The following KLF12 variants were observed in gnomAD, a reference collection of about 807,000 sequenced individuals.
The protein encoded by KLF12 is KLF transcription factor 12, also known as Krueppel-like factor 12.
KLF12 carries 9 observed loss-of-function variants against 37.8 expected under a neutral mutation model. The observed-to-expected ratio is 0.24, with a 90% CI of 0.14 to 0.42. The LOEUF is 0.42. Among genes scored for constraint, KLF12 ranks in the 10% least tolerant of loss-of-function variants. The pLI is 1.00. For missense variants in KLF12, 411 were observed against 516.0 expected, an observed-to-expected ratio of 0.80 and a Z score of 1.97; for synonymous variants, 208 against 202.1, an observed-to-expected ratio of 1.03 and a Z score of -0.25.
intron 2 of KLF12, chr13:73,960,291 C>A: frequency 4.2e-6 from 1 of 237,846 alleles, no homozygotes; most frequent in Non-Finnish European, 9.2e-6. Flanking sequence ...AAAAATAATG[C>A]ATATGAGACA....
At chr13:73,914,607 C>T (rs912450607) in intron 3 of KLF12, among the ~76,000 whole-genome samples, 18 of 152,140 alleles carry the variant, frequency 1.2e-4, no homozygotes, top group African/African-American at 3.1e-4. Context: ...GGTTGGAGAA[C>T]GCCTCTGTGA....
At chr13:74,276,988 G>A in the KLF12 span, among the ~76,000 whole-genome samples, 3 of 152,136 alleles carry the variant, frequency 2.0e-5, no homozygotes, top group Admixed American at 6.6e-5. Flanking sequence ...CAATGCCCAC[G>A]GCAGTGCCCT....
At chr13:74,280,327 G>A in the KLF12 span, among the ~76,000 whole-genome samples, 62 of 152,190 alleles carry the variant, frequency 4.1e-4, no homozygotes, top group South Asian at 1.2e-3. Flanking sequence ...GACCAGTTTT[G>A]TCCTTGCTAC....
the KLF12 span, among the ~76,000 whole-genome samples, chr13:74,295,092 C>A: frequency 6.6e-6 from 1 of 152,176 alleles, no homozygotes; most frequent in Non-Finnish European, 1.5e-5. Flanking sequence ...GAGAGGCACA[C>A]TTTCCTTATC....
At chr13:74,165,594 C>T in the KLF12 span, among the ~76,000 whole-genome samples, 9 of 152,122 alleles carry the variant, frequency 5.9e-5, no homozygotes, top group African/African-American at 1.2e-4. Context: ...CCACCACTTC[C>T]GGGCTCATAT....
At chr13:74,005,112 C>T (rs978363159) in intron 1 of KLF12, among the ~76,000 whole-genome samples, 7 of 152,142 alleles carry the variant, frequency 4.6e-5, no homozygotes, top group Admixed American at 2.6e-4. Context: ...GTAATTTATG[C>T]ATAGTTTTGG....
intron 3 of KLF12, among the ~76,000 whole-genome samples, chr13:73,903,445 C>G (rs1888126363): frequency 6.6e-6 from 1 of 152,070 alleles, no homozygotes; most frequent in Non-Finnish European, 1.5e-5. Context: ...AAGACAAAAA[C>G]CTGGCTATCT....
chr13:73,902,564 C>T (rs1888088998), intron 3 of KLF12, among the ~76,000 whole-genome samples: 3 of 152,166 alleles, frequency 2.0e-5, no homozygotes, highest in Non-Finnish European at 2.9e-5. Flanking sequence ...TCCAGAACTG[C>T]ATTACGGCAT....
At chr13:74,206,918 C>A in the KLF12 span, among the ~76,000 whole-genome samples, 1 of 152,180 alleles carries the variant, frequency 6.6e-6, no homozygotes, top group South Asian at 2.1e-4. Context: ...TTCTGCTTTA[C>A]AAACCTTGTC....
chr13:74,154,912 T>C, the KLF12 span, among the ~76,000 whole-genome samples: 5 of 152,218 alleles, frequency 3.3e-5, no homozygotes, highest in Non-Finnish European at 5.9e-5. Context: ...TTCAAATATA[T>C]TGCCAGCCAC....
chr13:73,758,218 C>A (rs1879309449), intron 6 of KLF12, among the ~76,000 whole-genome samples: 1 of 152,044 alleles, frequency 6.6e-6, no homozygotes, highest in Admixed American at 6.6e-5. Flanking sequence ...AGTTCTACAT[C>A]TGGACAACTT....
Position 73,931,814 on chromosome 13 carries a change from C to CT in KLF12, c.123+12166dup, listed in dbSNP as rs34804436. ...AAAATGCTTCACCTCAAATATTTTG[C>CT]TTTTTTTTTTTTTACCATTTACAAT... On this transcript the variant is annotated intron_variant, in intron 3 of 7. Transcript: ENST00000377669. 5.8e-3 allele frequency among the ~76,000 whole-genome samples: 841 copies of CT among 145,906 alleles called. 6 individuals are homozygous for CT. Among genetic ancestry groups the CT allele is most frequent in the East Asian group, 0.018 (92 of 5,042 alleles).
At chr13:74,163,351 GGATA>G in the KLF12 span, among the ~76,000 whole-genome samples, 1 of 152,200 alleles carries the variant, frequency 6.6e-6, no homozygotes, top group East Asian at 1.9e-4. Context: ...ACAGATGAAT[GGATA>G]AAGAAAATGT....
rs9530230 is a variant in KLF12, at chr13:73,693,484, C to T, written c.*2006G>A. On this transcript the variant is annotated 3_prime_UTR_variant, in exon 8 of 8. Coordinates refer to ENST00000377669, the MANE Select transcript of KLF12 (RefSeq NM_007249.5). ...CATATTTGTGAAGCCATAATTTGAC[C>T]TGAAAATCATTACACTGTTGCTTAA... is the stretch of plus-strand genomic sequence containing the variant. 6.6e-6 allele frequency: 1 copy of T among 152,258 alleles called. No individual in the cohort carries two copies. The highest frequency in any genetic ancestry group is 6.5e-5 in the Admixed American group (1 of 15,290). The allele number at this position is 152,258 out of a possible 1,614,324, so 9.4% of individuals were successfully genotyped here. A position where few individuals can be genotyped will look rare whatever the true frequency, so the allele number is the denominator to read the frequency against.
chr13:74,068,329 A>T (rs368485450), intron 1 of KLF12, among the ~76,000 whole-genome samples: 3 of 152,238 alleles, frequency 2.0e-5, no homozygotes, highest in South Asian at 2.1e-4. Context: ...TAAGGAAGCT[A>T]TCCTAATTGT....
chr13:73,941,395 G>A lies in KLF12; in HGVS notation c.123+2586C>T, dbSNP rs142661324. 2.3e-3 allele frequency among the ~76,000 whole-genome samples: 356 copies of A among 152,204 alleles called. 3 individuals are homozygous for A. Among genetic ancestry groups the A allele is most frequent in the South Asian group, 3.5e-3 (17 of 4,824 alleles). On this transcript the variant is annotated intron_variant, in intron 3 of 7. Transcript: ENST00000377669. Reference sequence around the variant, plus strand: ...AACATAGCAAGCAAAACTCTATGTCGTAAAAAATAGATAAATAAATGCCCA... The same window carrying A: ...AACATAGCAAGCAAAACTCTATGTCATAAAAAATAGATAAATAAATGCCCA...
intron 4 of KLF12, among the ~76,000 whole-genome samples, chr13:73,830,753 C>T (rs1466399952): frequency 6.6e-6 from 1 of 152,102 alleles, no homozygotes; most frequent in Non-Finnish European, 1.5e-5. Context: ...GTCTTTCTAA[C>T]CAATTCCCTG....
At chr13:73,721,376 C>T (rs1198538513) in intron 6 of KLF12, among the ~76,000 whole-genome samples, 1 of 152,096 alleles carries the variant, frequency 6.6e-6, no homozygotes, top group African/African-American at 2.4e-5. Flanking sequence ...CCCCTTTAAC[C>T]CAATTATATA....
chr13:74,261,588 C>T, the KLF12 span, among the ~76,000 whole-genome samples: 1 of 152,096 alleles, frequency 6.6e-6, no homozygotes, highest in East Asian at 1.9e-4. Flanking sequence ...CTTTGAACAA[C>T]ATATAAAGAC....
Sources: gnomAD v4.1 joint callset for allele counts (sites outside exome capture counted in the v4.1 genomes callset) on GRCh38, gnomAD v4.1.1 for gene constraint, MANE v1.5 for transcripts, NCBI Gene and HGNC (gene_info 2026-07-23, HGNC 2026-07-21) for gene names.